Variants in DARS1 observed in about 807,000 individuals in gnomAD.
The protein encoded by DARS1 is aspartyl-tRNA synthetase 1, also known as aspartate--tRNA ligase, cytoplasmic.
Under a neutral mutation model 68.8 loss-of-function variants are expected in DARS1, and 51 were observed. The observed-to-expected ratio is 0.74, with a 90% CI of 0.59 to 0.94. DARS1 has a LOEUF of 0.94. Among genes scored for constraint, DARS1 ranks in the 40% least tolerant of loss-of-function variants. DARS1 has a pLI of 0.00. For synonymous variants in DARS1, 203 were observed against 190.4 expected (o/e 1.07, Z -0.55); for missense variants, 607 against 597.3 (o/e 1.02, Z -0.17).
At chr2:135,924,270 G>A (rs1422270198) in intron 8 of DARS1, 117 bp downstream of exon 8, 1 of 1,144,486 alleles carries the variant, frequency 8.7e-7, no homozygotes, top group Non-Finnish European at 1.2e-6. Flanking sequence ...GTAGTCTCAT[G>A]GCAATAAACC....
At chr2:135,919,714 C>T (rs1681077782) in intron 10 of DARS1, among the ~76,000 whole-genome samples, 1 of 152,176 alleles carries the variant, frequency 6.6e-6, no homozygotes, top group Non-Finnish European at 1.5e-5. Context: ...AGGTGAAGTG[C>T]ACATTCTACA....
intron 3 of DARS1, among the ~76,000 whole-genome samples, chr2:135,963,282 G>T (rs1226564428): frequency 6.6e-6 from 1 of 152,088 alleles, no homozygotes; most frequent in Non-Finnish European, 1.5e-5. Context: ...AATGGAGACG[G>T]TAAGAGTCAT....
In DARS1 at chr2:135,930,944, G is replaced by C. The variant is rs79327246; in HGVS notation, c.564+1839C>G. ...TTATGTGAGTGCTATGTATGAAAAG[G>C]GTGCCAAAGACATTTTAATTCACTT... On this transcript the variant is annotated intron_variant, in intron 7 of 15. Transcript: ENST00000264161. 8.7e-3 allele frequency among the ~76,000 whole-genome samples: 1,317 copies of C among 152,224 alleles called. 16 individuals are homozygous for C. The highest frequency in any genetic ancestry group is 0.028 in the African/African-American group (1,163 of 41,532).
chr2:135,978,272 A>G (rs1682546941), intron 3 of DARS1, among the ~76,000 whole-genome samples: 1 of 152,148 alleles, frequency 6.6e-6, no homozygotes, highest in Non-Finnish European at 1.5e-5. Context: ...ATTCTACAAT[A>G]AAAATATTAT....
Position 135,923,014 on chromosome 2 carries a change from T to C in DARS1, c.677-96A>G, listed in dbSNP as rs957449094. On this transcript the variant is annotated intron_variant, in intron 8 of 15. Coordinates refer to ENST00000264161, the MANE Select transcript of DARS1 (RefSeq NM_001349.4). The stretch of plus-strand genomic sequence containing the variant: ...AAAAGTTTATACTCAGGTAACTCAC[T>C]TTAACAAAAACTGGAAAATGAAGAA... 2.4e-6 allele frequency: 3 copies of C among 1,259,510 alleles called. No homozygotes were observed. In the African/African-American group the frequency reaches 4.7e-5, roughly 20 times the overall value. The allele number at this position is 1,259,510 out of a possible 1,614,324, so 78.0% of individuals were successfully genotyped here.
At chr2:135,983,996 G>C (rs1311984332) in intron 1 of DARS1, among the ~76,000 whole-genome samples, 1 of 152,164 alleles carries the variant, frequency 6.6e-6, no homozygotes, top group East Asian at 1.9e-4. Flanking sequence ...AAATTCACCA[G>C]CTTCCTGTTT....
intron 5 of DARS1, among the ~76,000 whole-genome samples, chr2:135,938,603 A>G (rs1681523254): frequency 6.6e-6 from 1 of 152,186 alleles, no homozygotes; most frequent in Admixed American, 6.6e-5. Flanking sequence ...TTTCTGCATC[A>G]ACTAACAAGC....
intron 10 of DARS1, among the ~76,000 whole-genome samples, chr2:135,918,668 T>C (rs946717452): frequency 6.6e-6 from 1 of 152,232 alleles, no homozygotes; most frequent in African/African-American, 2.4e-5. Flanking sequence ...TCTGTTGTTA[T>C]AAAAATCAAA....
In DARS1 at chr2:135,985,603, G is replaced by A; in HGVS notation, c.-135C>T. On this transcript the variant is annotated 5_prime_UTR_variant, in exon 1 of 16. It adds an upstream start codon to the 5' untranslated region. Coordinates refer to ENST00000264161, the MANE Select transcript of DARS1 (RefSeq NM_001349.4). ...CTCAGCACACGCGCTCGGACTCCGC[G>A]TGGAGGTGCGGCTCCAGAAAGATCG... 5 of 1,525,072 alleles carry A rather than the reference G, an allele frequency of 3.3e-6. No individual in the cohort carries two copies. The highest frequency in any genetic ancestry group is 4.4e-6 in the Non-Finnish European group (5 of 1,130,920). The allele number at this position is 1,525,072 out of a possible 1,614,324, so 94.5% of individuals were successfully genotyped here.
intron 4 of DARS1, among the ~76,000 whole-genome samples, chr2:135,954,137 TG>T (rs1681908532): frequency 1.3e-5 from 2 of 151,662 alleles, no homozygotes; most frequent in South Asian, 4.2e-4. Context: ...GCTAACAAAC[TG>T]TATTCTAAAT....
At chr2:135,972,536 C>T (rs914179617) in intron 3 of DARS1, among the ~76,000 whole-genome samples, 2 of 152,178 alleles carry the variant, frequency 1.3e-5, no homozygotes, top group Non-Finnish European at 2.9e-5. Flanking sequence ...TTGAGTAATA[C>T]TCCACAAGCA....
chr2:135,979,489 A>G (rs764442892), intron 2 of DARS1, 123 bp from the exon 3 acceptor site: 18 of 615,426 alleles, frequency 2.9e-5, no homozygotes, highest in African/African-American at 1.3e-4. Context: ...ATAATTCTCA[A>G]TCTTTGACAA....
chr2:135,939,834 C>T (rs1408358910), intron 5 of DARS1, among the ~76,000 whole-genome samples: 3 of 152,022 alleles, frequency 2.0e-5, no homozygotes, highest in Admixed American at 6.6e-5. Flanking sequence ...ATATCACCAC[C>T]GATCCCACAG....
rs759077355 is a variant in DARS1, at chr2:135,924,371, A to C, written c.676+16T>G. ...AATTTATTTTTAAAAATTAAGAGAAATATTTTGAAGCATACCTGAAATAAT... is the reference window on the plus strand; with the variant it reads ...AATTTATTTTTAAAAATTAAGAGAACTATTTTGAAGCATACCTGAAATAAT... On this transcript the variant is annotated intron_variant, in intron 8 of 15. Transcript: ENST00000264161. 1 of 1,572,600 alleles carries C rather than the reference A, an allele frequency of 6.4e-7. No homozygotes were observed. Among genetic ancestry groups the C allele is most frequent in the Non-Finnish European group, 8.6e-7 (1 of 1,167,884 alleles).
At chr2:135,932,515 T>C (rs1681373346) in intron 7 of DARS1, among the ~76,000 whole-genome samples, 1 of 152,236 alleles carries the variant, frequency 6.6e-6, no homozygotes, top group Non-Finnish European at 1.5e-5. Context: ...AGATATCACC[T>C]GGAAGCAAGA....
chr2:135,943,197 G>A, intron 5 of DARS1, 181 bp downstream of exon 5: 1 of 810,706 alleles, frequency 1.2e-6, no homozygotes, highest in Non-Finnish European at 1.8e-6. Flanking sequence ...ATAAATGTTT[G>A]TTGTTTCAAG....
chr2:135,966,534 T>TTTTTG (rs996608129), intron 3 of DARS1, among the ~76,000 whole-genome samples: 20 of 152,150 alleles, frequency 1.3e-4, no homozygotes, highest in East Asian at 3.9e-4. Context: ...ATTTTATTTG[T>TTTTTG]TTTTGTTTTG....
chr2:135,914,056 G>A (rs978997931), intron 12 of DARS1, among the ~76,000 whole-genome samples: 1 of 152,122 alleles, frequency 6.6e-6, no homozygotes, highest in Non-Finnish European at 1.5e-5. Flanking sequence ...CTTGGTTTTA[G>A]AAAATGAGAT....
chr2:135,914,437 G>C lies in DARS1; in HGVS notation c.1149+32C>G, dbSNP rs1048691613. 4.8e-6 allele frequency: 5 copies of C among 1,049,674 alleles called. No homozygotes were observed. In the Admixed American group the frequency reaches 6.8e-5, roughly 14 times the overall value. 65.0% of individuals were successfully genotyped at this position (1,049,674 alleles called of 1,614,324 possible). ...AGTCCCAAGAGACATTTCAGAATTA[G>C]AAAAAGAAATCCAGCATATAAAGAG... On this transcript the variant is annotated intron_variant, in intron 12 of 15. Coordinates refer to ENST00000264161, the MANE Select transcript of DARS1 (RefSeq NM_001349.4).
Sources: gnomAD v4.1 joint callset for allele counts (sites outside exome capture counted in the v4.1 genomes callset) on GRCh38, gnomAD v4.1.1 for gene constraint, MANE v1.5 for transcripts, NCBI Gene and HGNC (gene_info 2026-07-23, HGNC 2026-07-21) for gene names.